The following VPS13A variants were observed in gnomAD, a reference collection of about 807,000 sequenced individuals.
VPS13A encodes the protein vacuolar protein sorting 13 homolog A.
Under a neutral mutation model 390.9 loss-of-function variants are expected in VPS13A, and 264 were observed. The observed-to-expected ratio is 0.68, with a 90% CI of 0.61 to 0.75. The LOEUF is 0.75. VPS13A is among the 30% of genes least tolerant of loss of function. The probability of loss-of-function intolerance (pLI) is 0.00; values close to 1 mark genes in which losing one functional copy is unlikely to be tolerated. For synonymous variants in VPS13A, 1,231 were observed against 1,227.1 expected, an observed-to-expected ratio of 1.00 and a Z score of -0.07; for missense variants, 3,409 against 3,733.9, an observed-to-expected ratio of 0.91 and a Z score of 2.27.
intron 68 of VPS13A, chr9:77,382,547 A>G (rs772063247): frequency 1.2e-4 from 143 of 1,180,518 alleles, no homozygotes; most frequent in Non-Finnish European, 1.4e-4. Context: ...TACTTAACCA[A>G]TTAAACCATT....
chr9:77,316,413 T>C lies in VPS13A; in HGVS notation c.4863+7T>C. 1 of 1,607,518 alleles carries C rather than the reference T, an allele frequency of 6.2e-7. No homozygotes were observed. Among genetic ancestry groups the C allele is most frequent in the Non-Finnish European group, 8.5e-7 (1 of 1,174,296 alleles). Reference sequence around the variant, plus strand: ...AAAAGGCAAAATCACTACTGTGAGTTAACTATTTGATCATCTGCTTAATTG... The same window carrying C: ...AAAAGGCAAAATCACTACTGTGAGTCAACTATTTGATCATCTGCTTAATTG... On this transcript the variant is annotated splice_region_variant and intron_variant, in intron 39 of 71. Coordinates refer to ENST00000360280, the MANE Select transcript of VPS13A (RefSeq NM_033305.3).
chr9:77,220,181 A>G lies in VPS13A; in HGVS notation c.883-96A>G, dbSNP rs1449148342. On this transcript the variant is annotated intron_variant, in intron 11 of 71. Coordinates refer to ENST00000360280, the MANE Select transcript of VPS13A (RefSeq NM_033305.3). Reference sequence around the variant, plus strand: ...ACTAAAATTCATGATGTTATATGGTAGCATTTCCCTAAAAAGTCAGTAATG... The same window carrying G: ...ACTAAAATTCATGATGTTATATGGTGGCATTTCCCTAAAAAGTCAGTAATG... 8 of 1,511,658 alleles carry G rather than the reference A, an allele frequency of 5.3e-6. No homozygotes were observed. The South Asian group carries it at 7.1e-5, about 13-fold the overall frequency. 93.6% of individuals were successfully genotyped at this position (1,511,658 alleles called of 1,614,324 possible).
chr9:77,367,554 G>A (rs1160529659), intron 61 of VPS13A, among the ~76,000 whole-genome samples: 2 of 152,212 alleles, frequency 1.3e-5, no homozygotes, highest in Admixed American at 6.5e-5. Context: ...GAAGCATAGA[G>A]CTTTTCAGTT....
intron 24 of VPS13A, among the ~76,000 whole-genome samples, 189 bp from the exon 25 acceptor site, chr9:77,275,309 T>C (rs577907542): frequency 6.6e-6 from 1 of 152,308 alleles, no homozygotes; most frequent in East Asian, 1.9e-4. Flanking sequence ...AGAGTATCCC[T>C]TTGTTTAAAA....
chr9:77,219,687 T>C (rs1823076885), intron 10 of VPS13A, among the ~76,000 whole-genome samples: 1 of 152,146 alleles, frequency 6.6e-6, no homozygotes, highest in Non-Finnish European at 1.5e-5. Context: ...AAAATGTTTC[T>C]GCTTTTAAGT....
At chr9:77,367,961 GA>G in intron 61 of VPS13A, 93 bp from the exon 62 acceptor site, 1 of 1,197,286 alleles carries the variant, frequency 8.4e-7, no homozygotes, top group South Asian at 1.3e-5. Context: ...AAGGTTTGGA[GA>G]AAAGATTCTA....
At position 77,177,771 on chromosome 9, in the gene VPS13A, G is replaced by T; in HGVS notation, c.67G>T (p.Asp23Tyr). 6.2e-7 allele frequency: 1 copy of T among 1,613,642 alleles called. No individual in the cohort carries two copies. The highest frequency in any genetic ancestry group is 8.5e-7 in the Non-Finnish European group (1 of 1,179,710). Residue 23 changes from aspartate to tyrosine, a missense_variant, in exon 1 of 72, where the codon GAC becomes TAC. This residue lies in a region of VPS13A where 2,717 missense variants were observed against 2,917.4 expected (regional missense o/e 0.93). Coordinates refer to ENST00000360280, the MANE Select transcript of VPS13A (RefSeq NM_033305.3). ...CTTGGGGGACTATGTGGTGGACTTG[G>T]ACACGTCCCAGCTCTCTCTGGGCAT... ...RFLGDYVVDL[D>Y]TSQLSLGIWK...
intron 59 of VPS13A, 44 bp from the exon 60 acceptor site, chr9:77,365,414 TGC>T: frequency 8.1e-7 from 1 of 1,237,860 alleles, no homozygotes. Flanking sequence ...AAATATCTCA[TGC>T]AGGTAGGTCC....
At chr9:77,382,167 A>C (rs1207744419) in intron 68 of VPS13A, 80 bp downstream of exon 68, 27 of 1,338,716 alleles carry the variant, frequency 2.0e-5, no homozygotes, top group Non-Finnish European at 2.6e-5. Flanking sequence ...AATATATATT[A>C]AATTATTTGG....
Position 77,357,960 on chromosome 9 carries a change from T to TTC in VPS13A, c.7953+123_7953+124insCT. On this transcript the variant is annotated intron_variant, in intron 56 of 71. Transcript: ENST00000360280. Reference sequence around the variant, plus strand: ...TTCAATGTTGTGCTAGCCTTTTTTTTTTTTTTTTTTTTTGAGACAGAGTCT... The same window carrying TTC: ...TTCAATGTTGTGCTAGCCTTTTTTTTTCTTTTTTTTTTTTTGAGACAGAGTCT... The TTC allele has an allele frequency of 3.1e-6, 3 of 978,504 alleles. No homozygotes were observed. In the East Asian group the frequency reaches 7.7e-5, roughly 25 times the overall value. The allele number at this position is 978,504 out of a possible 1,614,324, so 60.6% of individuals were successfully genotyped here.
chr9:77,226,637 G>T, intron 15 of VPS13A, 39 bp downstream of exon 15: 1 of 1,592,354 alleles, frequency 6.3e-7, no homozygotes, highest in Non-Finnish European at 8.6e-7. Context: ...TAATCACTGG[G>T]TGTCAAAATA....
chr9:77,319,228 G>C (rs1829596889), intron 41 of VPS13A, among the ~76,000 whole-genome samples: 1 of 149,576 alleles, frequency 6.7e-6, no homozygotes, highest in South Asian at 2.1e-4. Context: ...AAGAGTTAAA[G>C]TTGAATACCC....
In VPS13A at chr9:77,371,019, T is replaced by A. The variant is rs2131588900; in HGVS notation, c.8954-7T>A. On this transcript the variant is annotated splice_polypyrimidine_tract_variant and splice_region_variant and intron_variant, in intron 66 of 71. Coordinates refer to ENST00000360280, the MANE Select transcript of VPS13A (RefSeq NM_033305.3). ...TGCAATTGTCAAAAACTCTTTTTTCTTTCCAGGAGCTCAAAAAGGAGGAGC... is the reference window on the plus strand; with the variant it reads ...TGCAATTGTCAAAAACTCTTTTTTCATTCCAGGAGCTCAAAAAGGAGGAGC... 3 of 1,614,174 alleles carry A rather than the reference T, an allele frequency of 1.9e-6. No homozygotes were observed. Among genetic ancestry groups the A allele is most frequent in the Non-Finnish European group, 1.7e-6 (2 of 1,180,006 alleles).
At position 77,353,396 on chromosome 9, in the gene VPS13A, G is replaced by GTTTTT; in HGVS notation, c.7420-13_7420-12insTTTTT. On this transcript the variant is annotated splice_polypyrimidine_tract_variant and intron_variant, in intron 53 of 71. Coordinates refer to ENST00000360280, the MANE Select transcript of VPS13A (RefSeq NM_033305.3). Reference sequence around the variant, plus strand: ...TTTTTGGTTTTTTTTTTTTTTTGGTGGTTTTATTCTAGGATATGATGATGC... The same window carrying GTTTTT: ...TTTTTGGTTTTTTTTTTTTTTTGGTGTTTTTGTTTTATTCTAGGATATGATGATGC... The GTTTTT allele has an allele frequency of 6.8e-7, 1 of 1,476,014 alleles. No homozygotes were observed. Among genetic ancestry groups the GTTTTT allele is most frequent in the Non-Finnish European group, 9.2e-7 (1 of 1,090,554 alleles). 91.4% of individuals were successfully genotyped at this position (1,476,014 alleles called of 1,614,324 possible).
At chr9:77,361,923 T>C (rs1832163137) in intron 59 of VPS13A, among the ~76,000 whole-genome samples, 1 of 152,154 alleles carries the variant, frequency 6.6e-6, no homozygotes, top group Non-Finnish European at 1.5e-5. Flanking sequence ...ATCTTTGATA[T>C]GTTGATTATC....
chr9:77,182,745 T>A (rs938335818), intron 1 of VPS13A, among the ~76,000 whole-genome samples: 1 of 152,218 alleles, frequency 6.6e-6, no homozygotes, highest in African/African-American at 2.4e-5. Context: ...CTTGGACAAA[T>A]TTGTAATTTT....
rs775517150 is a variant in VPS13A at position 77,316,177 on chromosome 9, C to T, written c.4634C>T (p.Pro1545Leu). Residue 1545 changes from proline (P) to leucine (L), a missense_variant, in exon 39 of 72, where the codon CCT becomes CTT. By Grantham distance (98) the Pro-to-Leu change is moderately conservative. Around this residue, in one of 5 missense-constraint regions of VPS13A, gnomAD observed 2,717 missense variants for 2,917.4 expected, o/e 0.93. Coordinates refer to ENST00000360280, the MANE Select transcript of VPS13A (RefSeq NM_033305.3). ...AATCTATTTTTATTTGTTTTAGTAC[C>T]TACACAGGAATCAGTGAAGTGGGAA... ...VQTWTAKEEV[P>L]TQESVKWEIN... is the part of the protein sequence containing the mutation. The T allele has an allele frequency of 1.2e-6, 2 of 1,600,136 alleles. No homozygotes were observed. The highest frequency in any genetic ancestry group is 1.1e-5 in the South Asian group (1 of 90,394).
At chr9:77,296,190 T>C (rs1297725915) in intron 33 of VPS13A, among the ~76,000 whole-genome samples, 1 of 152,202 alleles carries the variant, frequency 6.6e-6, no homozygotes, top group East Asian at 1.9e-4. Context: ...ACTTTGCAAA[T>C]ACATTATCAT....
chr9:77,324,055 T>C (rs1829881349), intron 45 of VPS13A, among the ~76,000 whole-genome samples: 1 of 152,174 alleles, frequency 6.6e-6, no homozygotes, highest in South Asian at 2.1e-4. Context: ...AATCAGATTA[T>C]CAATTTTATA....
Sources: gnomAD v4.1 joint callset for allele counts (sites outside exome capture counted in the v4.1 genomes callset) on GRCh38, gnomAD v4.1.1 for gene constraint, gnomAD v4.1.1 regional missense constraint, MANE v1.5 for transcripts, NCBI Gene and HGNC (gene_info 2026-07-23, HGNC 2026-07-21) for gene names.